Variants in BICC1 observed in about 807,000 individuals in gnomAD.
BICC1 encodes BicC family RNA binding protein 1.
Under a neutral mutation model 111.0 loss-of-function variants are expected in BICC1, and 43 were observed. The ratio of observed to expected loss-of-function variants is 0.39; its 90% CI spans 0.30 to 0.50. The LOEUF is 0.50. Ranked by LOEUF, BICC1 falls within the 20% of genes least tolerant of loss-of-function variation. The pLI, the probability that BICC1 is intolerant of heterozygous loss-of-function variation, is 0.88. For synonymous variants in BICC1, 467 were observed against 434.4 expected (o/e 1.07, Z -0.93); for missense variants, 1,091 against 1,203.2 (o/e 0.91, Z 1.38).
chr10:58,801,635 T>C (rs2132874972), intron 14 of BICC1, among the ~76,000 whole-genome samples: 1 of 152,166 alleles, frequency 6.6e-6, no homozygotes. Flanking sequence ...GTCTCTACAA[T>C]GTAAGGTTTT....
chr10:58,640,184 A>T (rs1838081475), intron 2 of BICC1, among the ~76,000 whole-genome samples: 1 of 152,178 alleles, frequency 6.6e-6, no homozygotes, highest in Admixed American at 6.5e-5. Context: ...TTGGAAAAAG[A>T]ATTGAATCCA....
At position 58,671,514 on chromosome 10, in the gene BICC1, G is replaced by A. The variant is rs182949032; in HGVS notation, c.238-30560G>A. On this transcript the variant is annotated intron_variant, in intron 2 of 20. Coordinates refer to ENST00000373886, the MANE Select transcript of BICC1 (RefSeq NM_001080512.3). Reference sequence around the variant, plus strand: ...CTAAAATTTCCCTGGACAGAACTTAGTTATGTGCCTTGGGTGTTACCTGTC... The same window carrying A: ...CTAAAATTTCCCTGGACAGAACTTAATTATGTGCCTTGGGTGTTACCTGTC... Among the ~76,000 whole-genome samples, 315 of 152,262 alleles carry A rather than the reference G, an allele frequency of 2.1e-3. 1 individual carries two copies. Among genetic ancestry groups the A allele is most frequent in the African/African-American group, 6.5e-3 (271 of 41,556 alleles).
At chr10:58,680,419 T>G (rs557932468) in intron 2 of BICC1, among the ~76,000 whole-genome samples, 18 of 152,266 alleles carry the variant, frequency 1.2e-4, no homozygotes, top group African/African-American at 4.1e-4. Context: ...GAACTCCCAT[T>G]CACAGTTGCT....
intron 2 of BICC1, 75 bp downstream of exon 2, chr10:58,620,976 C>T (rs536499580): frequency 2.3e-6 from 3 of 1,283,818 alleles, no homozygotes; most frequent in East Asian, 4.8e-5. Flanking sequence ...CCCTAGAAGC[C>T]ACCGAACGCT....
At chr10:58,523,416 C>T (rs1334170517) in intron 1 of BICC1, among the ~76,000 whole-genome samples, 3 of 152,212 alleles carry the variant, frequency 2.0e-5, no homozygotes, top group Non-Finnish European at 4.4e-5. Flanking sequence ...AATCAATAAA[C>T]GTAATCCAAC....
At chr10:58,780,275 G>C (rs891725726) in intron 3 of BICC1, among the ~76,000 whole-genome samples, 1 of 152,142 alleles carries the variant, frequency 6.6e-6, no homozygotes, top group Non-Finnish European at 1.5e-5. Flanking sequence ...ATAATATATG[G>C]AAATTTTCCC....
intron 20 of BICC1, among the ~76,000 whole-genome samples, chr10:58,820,892 A>G (rs1169849709): frequency 1.3e-5 from 2 of 152,144 alleles, no homozygotes; most frequent in Admixed American, 6.6e-5. Flanking sequence ...AGAAGAAAAG[A>G]ATGCTGGTTG....
intron 1 of BICC1, among the ~76,000 whole-genome samples, chr10:58,589,988 G>A (rs1233150302): frequency 6.6e-6 from 1 of 151,894 alleles, no homozygotes; most frequent in Non-Finnish European, 1.5e-5. Flanking sequence ...TACAGCTTTT[G>A]TTCCTATCCT....
chr10:58,764,978 T>C (rs1258787807), intron 3 of BICC1, among the ~76,000 whole-genome samples: 2 of 152,174 alleles, frequency 1.3e-5, no homozygotes, highest in African/African-American at 4.8e-5. Context: ...TTTTCCTCTT[T>C]TGGGTTACAT....
intron 3 of BICC1, among the ~76,000 whole-genome samples, chr10:58,734,320 GC>G (rs1841404986): frequency 6.6e-6 from 1 of 152,204 alleles, no homozygotes; most frequent in Admixed American, 6.5e-5. Context: ...GTTTGAAAAT[GC>G]TTTCTGGTTA....
At chr10:58,529,375 G>A (rs764035058) in intron 1 of BICC1, among the ~76,000 whole-genome samples, 9 of 151,926 alleles carry the variant, frequency 5.9e-5, no homozygotes, top group Middle Eastern at 3.4e-3. Context: ...TTTCAGAATT[G>A]TTTTAATTGC....
intron 1 of BICC1, among the ~76,000 whole-genome samples, chr10:58,612,828 G>A (rs1845475611): frequency 6.6e-6 from 1 of 152,150 alleles, no homozygotes; most frequent in South Asian, 2.1e-4. Flanking sequence ...AGCATCAGAT[G>A]TTATAATAGA....
chr10:58,673,786 C>CTTTTTT (rs5785337), intron 2 of BICC1, among the ~76,000 whole-genome samples: 4 of 138,294 alleles, frequency 2.9e-5, no homozygotes, highest in Admixed American at 7.3e-5. Context: ...CCACGCCCAG[C>CTTTTTT]TTTTTTTTTT....
intron 2 of BICC1, among the ~76,000 whole-genome samples, chr10:58,669,062 G>C (rs1022143618): frequency 1.3e-5 from 2 of 151,960 alleles, no homozygotes; most frequent in Non-Finnish European, 2.9e-5. Flanking sequence ...TATTTGTTAA[G>C]AATAAAACCT....
chr10:58,719,358 C>G (rs1427082224), intron 3 of BICC1, among the ~76,000 whole-genome samples: 1 of 152,178 alleles, frequency 6.6e-6, no homozygotes, highest in Non-Finnish European at 1.5e-5. Context: ...TCCATCCTCC[C>G]TTTTCCAACT....
chr10:58,788,519 T>A, intron 6 of BICC1, 96 bp downstream of exon 6: 1 of 804,560 alleles, frequency 1.2e-6, no homozygotes. Flanking sequence ...TATAACCGAA[T>A]CATGTTCAAT....
chr10:58,773,725 C>T (rs1268301736), intron 3 of BICC1, among the ~76,000 whole-genome samples: 2 of 152,188 alleles, frequency 1.3e-5, no homozygotes, highest in African/African-American at 2.4e-5. Flanking sequence ...AACCAGGTAC[C>T]GTTCTCAACT....
At chr10:58,602,779 T>G (rs944753650) in intron 1 of BICC1, among the ~76,000 whole-genome samples, 1 of 152,208 alleles carries the variant, frequency 6.6e-6, no homozygotes, top group Admixed American at 6.5e-5. Flanking sequence ...TGTAGTAACT[T>G]GATTATGCAA....
chr10:58,721,343 C>T (rs764980760), intron 3 of BICC1, among the ~76,000 whole-genome samples: 1 of 152,164 alleles, frequency 6.6e-6, no homozygotes, highest in Non-Finnish European at 1.5e-5. Context: ...GTTCTTATCT[C>T]AAGGTGACTT....
Sources: gnomAD v4.1 joint callset for allele counts (sites outside exome capture counted in the v4.1 genomes callset) on GRCh38, gnomAD v4.1.1 for gene constraint, MANE v1.5 for transcripts, NCBI Gene and HGNC (gene_info 2026-07-23, HGNC 2026-07-21) for gene names.